Variants in HIP1 observed in about 807,000 individuals in gnomAD.
HIP1 encodes the protein huntingtin interacting protein 1, also known as huntingtin-interacting protein 1.
HIP1 carries 65 observed loss-of-function variants against 147.6 expected under a neutral mutation model. The observed-to-expected ratio is 0.44, with a 90% CI of 0.36 to 0.54. HIP1 has a LOEUF of 0.54. Ranked by LOEUF, HIP1 falls within the 20% of genes least tolerant of loss-of-function variation. The pLI is 0.00. For synonymous variants in HIP1, 479 were observed against 504.0 expected (o/e 0.95, Z 0.67); for missense variants, 1,061 against 1,299.6 (o/e 0.82, Z 2.82).
intron 1 of HIP1, among the ~76,000 whole-genome samples, chr7:75,659,606 G>A (rs561970691): frequency 3.9e-5 from 6 of 152,008 alleles, no homozygotes; most frequent in East Asian, 1.9e-4. Context: ...CCAAGATTGC[G>A]CCACTGGACT....
At chr7:75,714,455 CTTTT>C (rs71082343) in intron 1 of HIP1, among the ~76,000 whole-genome samples, 63 of 137,784 alleles carry the variant, frequency 4.6e-4, no homozygotes, top group African/African-American at 4.6e-4. Flanking sequence ...ATCTTTTTTT[CTTTT>C]TTTTTTTTTT....
chr7:75,632,027 T>G (rs905691518), intron 1 of HIP1, among the ~76,000 whole-genome samples: 74 of 152,226 alleles, frequency 4.9e-4, no homozygotes, highest in African/African-American at 1.7e-3. Flanking sequence ...TGACCAGAAG[T>G]GCAACTCGGA....
chr7:75,550,683 G>A (rs1794748539), intron 22 of HIP1, among the ~76,000 whole-genome samples: 2 of 152,120 alleles, frequency 1.3e-5, no homozygotes, highest in Admixed American at 1.3e-4. Flanking sequence ...AAAGTGCTGG[G>A]ATTTTCAGAC....
At chr7:75,679,486 G>A (rs1446283671) in intron 1 of HIP1, among the ~76,000 whole-genome samples, 2 of 152,190 alleles carry the variant, frequency 1.3e-5, no homozygotes, top group East Asian at 1.9e-4. Flanking sequence ...TTACTGGCGT[G>A]AGCAACTGTG....
chr7:75,552,508 C>A (rs1563196782), intron 22 of HIP1, among the ~76,000 whole-genome samples: 1 of 138,270 alleles, frequency 7.2e-6, no homozygotes, highest in Non-Finnish European at 1.5e-5. Context: ...TGACATCACA[C>A]CTGTCTAATT....
chr7:75,693,950 T>C (rs1554518495), intron 1 of HIP1, among the ~76,000 whole-genome samples: 21 of 125,902 alleles, frequency 1.7e-4, no homozygotes, highest in Admixed American at 1.5e-3. Context: ...GATGGAGTCT[T>C]GTTCTGCCAC....
rs1385717355 is a variant in HIP1, at chr7:75,537,360, T to C, written c.*812A>G. ...AGCAGCTCCGCCTGACCCTGGAGCA[T>C]GGACTGGGTGGGCCAGCACTTGGTC... On this transcript the variant is annotated 3_prime_UTR_variant, in exon 31 of 31. Transcript: ENST00000336926. 4.3e-6 allele frequency: 1 copy of C among 232,716 alleles called. No individual in the cohort carries two copies. The highest frequency in any genetic ancestry group is 8.5e-6 in the Non-Finnish European group (1 of 117,690). The allele number at this position is 232,716 out of a possible 1,614,324, so 14.4% of individuals were successfully genotyped here.
Position 75,657,266 on chromosome 7 carries a change from C to T in HIP1, c.121-58019G>A, listed in dbSNP as rs186070855. 2.6e-5 allele frequency among the ~76,000 whole-genome samples: 4 copies of T among 152,256 alleles called. No homozygotes were observed. The East Asian group carries it at 7.7e-4, about 29-fold the overall frequency. On this transcript the variant is annotated intron_variant, in intron 1 of 30. Transcript: ENST00000336926. ...ACAATATCAGCTGGGCATGGTGGCT[C>T]ACGCCTGTAATCCCAGCACTTTGGG...
At chr7:75,729,398 A>G (rs1193466110) in intron 1 of HIP1, among the ~76,000 whole-genome samples, 1 of 151,390 alleles carries the variant, frequency 6.6e-6, no homozygotes, top group Non-Finnish European at 1.5e-5. Flanking sequence ...GAGGTGGGAG[A>G]ATCACTTGAG....
chr7:75,659,298 G>A (rs1396923476), intron 1 of HIP1, among the ~76,000 whole-genome samples: 1 of 152,182 alleles, frequency 6.6e-6, no homozygotes, highest in East Asian at 1.9e-4. Context: ...GGGAGGGAAT[G>A]CCCATTGCCA....
intron 1 of HIP1, among the ~76,000 whole-genome samples, chr7:75,652,593 G>C (rs1799032408): frequency 6.6e-6 from 1 of 151,962 alleles, no homozygotes; most frequent in South Asian, 2.1e-4. Context: ...TTGAACTCCT[G>C]GGCTCAAGCA....
At position 75,685,840 on chromosome 7, in the gene HIP1, C is replaced by T. The variant is rs546393460; in HGVS notation, c.120+52961G>A. Among the ~76,000 whole-genome samples, 4 of 152,206 alleles carry T rather than the reference C, an allele frequency of 2.6e-5. No individual in the cohort carries two copies. The East Asian group carries it at 5.8e-4, about 22-fold the overall frequency. On this transcript the variant is annotated intron_variant, in intron 1 of 30. Transcript: ENST00000336926. ...CTGGGATTACAGGCATGAGCCACTG[C>T]GCCCGGCCTGTCAGTTTTCTCTACC...
In HIP1 at chr7:75,601,839, T is replaced by C. The variant is rs183409957; in HGVS notation, c.121-2592A>G. ...GACCCCTTGTCCATAGGATATATGT[T>C]TGGCCACAAGTTCCTTGTTGATGCT... is the stretch of plus-strand genomic sequence containing the variant. On this transcript the variant is annotated intron_variant, in intron 1 of 30. Coordinates refer to ENST00000336926, the MANE Select transcript of HIP1 (RefSeq NM_005338.7). 2.0e-5 allele frequency among the ~76,000 whole-genome samples: 3 copies of C among 152,222 alleles called. No homozygotes were observed. In the East Asian group the frequency reaches 5.8e-4, roughly 29 times the overall value.
At chr7:75,716,374 C>T (rs1801319191) in intron 1 of HIP1, among the ~76,000 whole-genome samples, 1 of 151,700 alleles carries the variant, frequency 6.6e-6, no homozygotes, top group Non-Finnish European at 1.5e-5. Flanking sequence ...ATTAGCACAC[C>T]ACCATGCCCA....
At chr7:75,589,201 T>C (rs1796393743) in intron 4 of HIP1, among the ~76,000 whole-genome samples, 1 of 150,744 alleles carries the variant, frequency 6.6e-6, no homozygotes, top group African/African-American at 2.4e-5. Flanking sequence ...AAAACTGTAC[T>C]AAATGAAATT....
chr7:75,612,232 CG>C (rs1175003059), intron 1 of HIP1, among the ~76,000 whole-genome samples: 2 of 152,138 alleles, frequency 1.3e-5, no homozygotes, highest in Non-Finnish European at 2.9e-5. Flanking sequence ...CAGAGGAGGC[CG>C]GGCACGGTGG....
intron 1 of HIP1, among the ~76,000 whole-genome samples, chr7:75,664,121 TGC>T (rs2117223686): frequency 1.3e-5 from 1 of 74,204 alleles, no homozygotes; most frequent in African/African-American, 6.2e-5. Context: ...TATGCATATA[TGC>T]ACACACATGT....
At chr7:75,727,408 CT>C (rs34320652) in intron 1 of HIP1, among the ~76,000 whole-genome samples, 198 of 143,024 alleles carry the variant, frequency 1.4e-3, no homozygotes, top group South Asian at 3.3e-3. Context: ...TTCTTTCTTT[CT>C]TTTTTTTTTT....
At chr7:75,657,279 C>T (rs1198122404) in intron 1 of HIP1, among the ~76,000 whole-genome samples, 2 of 152,054 alleles carry the variant, frequency 1.3e-5, no homozygotes, top group Admixed American at 6.6e-5. Flanking sequence ...GCCTGTAATC[C>T]CAGCACTTTG....
Sources: gnomAD v4.1 joint callset for allele counts (sites outside exome capture counted in the v4.1 genomes callset) on GRCh38, gnomAD v4.1.1 for gene constraint, MANE v1.5 for transcripts, NCBI Gene and HGNC (gene_info 2026-07-23, HGNC 2026-07-21) for gene names.